Variants in MAMLD1 observed in about 807,000 individuals in gnomAD.
The protein encoded by MAMLD1 is mastermind like domain containing 1.
In MAMLD1, 14 loss-of-function variants were observed where a neutral mutation model predicts 45.0. The observed-to-expected ratio is 0.31, with a 90% CI of 0.21 to 0.49. The LOEUF is 0.49. MAMLD1 is among the 20% of genes least tolerant of loss of function. MAMLD1 has a pLI of 0.99. For missense variants in MAMLD1, 543 were observed against 603.6 expected, an observed-to-expected ratio of 0.90 and a Z score of 1.05; for synonymous variants, 254 against 247.8, an observed-to-expected ratio of 1.02 and a Z score of -0.24.
intron 1 of MAMLD1, among the ~76,000 whole-genome samples, chrX:150,389,220 G>T (rs1472090344): frequency 6.3e-5 from 7 of 110,756 alleles, no homozygotes; most frequent in Non-Finnish European, 1.3e-4. Flanking sequence ...CTAATTTTTT[G>T]TACTTTTAGT....
chrX:150,456,639 A>G (rs1465383598), intron 2 of MAMLD1, among the ~76,000 whole-genome samples: 2 of 112,160 alleles, frequency 1.8e-5, no homozygotes, highest in African/African-American at 6.5e-5. Context: ...CTGTATGTGT[A>G]TAAAAATACA....
At chrX:150,432,690 C>T (rs1557404107) in intron 1 of MAMLD1, among the ~76,000 whole-genome samples, 2 of 111,718 alleles carry the variant, frequency 1.8e-5, no homozygotes, top group Admixed American at 9.5e-5. Context: ...TTCTTCATTA[C>T]TTGTTGTCAA....
intron 2 of MAMLD1, among the ~76,000 whole-genome samples, chrX:150,455,059 T>C (rs1557405262): frequency 9.9e-5 from 3 of 30,328 alleles, no homozygotes; most frequent in Non-Finnish European, 1.2e-4. Context: ...TCATAGACAC[T>C]GTCCACATAC....
intron 6 of MAMLD1, among the ~76,000 whole-genome samples, chrX:150,508,742 C>A (rs1347535896): frequency 8.9e-6 from 1 of 112,480 alleles, no homozygotes; most frequent in African/African-American, 3.2e-5. Context: ...GCACGGGCAG[C>A]CCGTGTTGTA....
At chrX:150,398,063 T>G (rs1013515010) in intron 1 of MAMLD1, among the ~76,000 whole-genome samples, 11 of 108,580 alleles carry the variant, frequency 1.0e-4, no homozygotes, top group African/African-American at 3.7e-4. Flanking sequence ...TATCACCCCG[T>G]GCTTGCTCAG....
intron 6 of MAMLD1, 187 bp from the exon 7 acceptor site, chrX:150,509,775 T>C (rs782117337): frequency 4.5e-6 from 2 of 446,092 alleles, no homozygotes; most frequent in South Asian, 6.7e-5. Context: ...AGGTGCAGAA[T>C]CTTACTTTAT....
chrX:150,416,272 G>A (rs1030095275), intron 1 of MAMLD1, among the ~76,000 whole-genome samples: 3 of 111,532 alleles, frequency 2.7e-5, no homozygotes, highest in South Asian at 3.8e-4. Flanking sequence ...CTTGGGACTC[G>A]GCAGGTTCTC....
intron 5 of MAMLD1, among the ~76,000 whole-genome samples, chrX:150,486,691 G>A (rs6627579): frequency 0.12 from 12,974 of 111,511 alleles, 738 homozygotes; most frequent in Middle Eastern, 0.18. Context: ...GGAAACCCTA[G>A]GTGATGTGTC....
chrX:150,493,164 G>A (rs1340311753), intron 5 of MAMLD1, among the ~76,000 whole-genome samples: 2 of 111,558 alleles, frequency 1.8e-5, no homozygotes, highest in East Asian at 5.6e-4. Flanking sequence ...GGAAGGGTCG[G>A]CATTCCTGAC....
intron 2 of MAMLD1, among the ~76,000 whole-genome samples, chrX:150,453,514 C>G (rs73638255): frequency 2.7e-5 from 3 of 111,716 alleles, no homozygotes. Context: ...CAACTCCACA[C>G]TCCCAATTCC....
chrX:150,362,427 A>C (rs2031051449), upstream of MAMLD1, among the ~76,000 whole-genome samples: 1 of 103,625 alleles, frequency 9.7e-6, no homozygotes, highest in African/African-American at 3.6e-5. Context: ...TCCTCTCCTT[A>C]TTTCCTCCTC....
intron 1 of MAMLD1, among the ~76,000 whole-genome samples, chrX:150,378,913 T>A (rs2032463348): frequency 1.8e-5 from 2 of 111,004 alleles, no homozygotes; most frequent in Non-Finnish European, 3.8e-5. Flanking sequence ...AGCCTTAATA[T>A]CAGCCATTTT....
chrX:150,433,430 G>C (rs1557404151), intron 1 of MAMLD1, among the ~76,000 whole-genome samples: 2 of 111,490 alleles, frequency 1.8e-5, no homozygotes, highest in Non-Finnish European at 3.8e-5. Context: ...CTCCTGATAG[G>C]ACTTCCAATA....
At chrX:150,502,479 C>T (rs937138983) in intron 5 of MAMLD1, among the ~76,000 whole-genome samples, 3 of 112,189 alleles carry the variant, frequency 2.7e-5, no homozygotes, top group African/African-American at 9.7e-5. Flanking sequence ...CACCCATTTG[C>T]GTTTTGCAGC....
At chrX:150,427,161 AC>A (rs1311091465) in intron 1 of MAMLD1, among the ~76,000 whole-genome samples, 11 of 111,591 alleles carry the variant, frequency 9.9e-5, no homozygotes, top group Non-Finnish European at 1.7e-4. Context: ...GGCCCACCCT[AC>A]TCCAGTAAGA....
In MAMLD1 at chrX:150,408,966, G is replaced by T. The variant is rs782304785; in HGVS notation, c.-63-36488G>T. Among the ~76,000 whole-genome samples, 290 of 111,901 alleles carry T rather than the reference G, an allele frequency of 2.6e-3. 3 individuals carry two copies. Among genetic ancestry groups the T allele is most frequent in the African/African-American group, 9.1e-3 (281 of 30,796 alleles). Reference sequence around the variant, plus strand: ...AAAAACTTAAAGCTATGAAGATGTGGAATCTGGCGGAGAAGAATGGCTATA... The same window carrying T: ...AAAAACTTAAAGCTATGAAGATGTGTAATCTGGCGGAGAAGAATGGCTATA... On this transcript the variant is annotated intron_variant, in intron 1 of 7. Coordinates refer to ENST00000370401, the MANE Select transcript of MAMLD1 (RefSeq NM_005491.5).
intron 5 of MAMLD1, among the ~76,000 whole-genome samples, chrX:150,479,713 C>T (rs2036692949): frequency 8.9e-6 from 1 of 112,154 alleles, no homozygotes; most frequent in Non-Finnish European, 1.9e-5. Flanking sequence ...TGAATACCTA[C>T]AAACCCAAAA....
At chrX:150,421,940 G>A (rs181204058) in intron 1 of MAMLD1, among the ~76,000 whole-genome samples, 264 of 112,336 alleles carry the variant, frequency 2.4e-3, no homozygotes, top group African/African-American at 7.8e-3. Context: ...AAGTCTGTTC[G>A]TACCCTCCTC....
intron 5 of MAMLD1, among the ~76,000 whole-genome samples, chrX:150,479,349 T>C (rs782786261): frequency 2.7e-5 from 3 of 112,255 alleles, no homozygotes; most frequent in Non-Finnish European, 5.6e-5. Flanking sequence ...CTACTTAAGA[T>C]GCATCAGTAG....
Sources: allele counts gnomAD v4.1 joint callset (sites outside exome capture counted in the v4.1 genomes callset), GRCh38; gene constraint gnomAD v4.1.1; transcripts MANE v1.5; gene names NCBI Gene and HGNC (gene_info 2026-07-23, HGNC 2026-07-21).